PARN: variants seen among roughly 807,000 people sequenced by gnomAD.
PARN encodes the protein poly(A)-specific ribonuclease PARN.
A neutral mutation model predicts 102.8 loss-of-function variants in PARN; 71 were observed. The observed-to-expected ratio is 0.69, with a 90% CI of 0.57 to 0.84. The LOEUF is 0.84. PARN is among the 40% of genes least tolerant of loss of function. The pLI is 0.00. For synonymous variants in PARN, 261 were observed against 252.9 expected, an observed-to-expected ratio of 1.03 and a Z score of -0.30; for missense variants, 782 against 760.9, an observed-to-expected ratio of 1.03 and a Z score of -0.33.
chr16:14,493,043 T>A (rs1470080303), intron 21 of PARN, among the ~76,000 whole-genome samples: 1 of 152,160 alleles, frequency 6.6e-6, no homozygotes, highest in Non-Finnish European at 1.5e-5. Flanking sequence ...AAAGCCAATA[T>A]AAGACATTCC....
chr16:14,482,952 G>T, intron 21 of PARN, 125 bp from the exon 22 acceptor site: 1 of 652,108 alleles, frequency 1.5e-6, no homozygotes, highest in Non-Finnish European at 2.4e-6. Flanking sequence ...CTGACCCTTG[G>T]CTCTGCCACC....
At chr16:14,610,592 A>T in intron 7 of PARN, 52 bp downstream of exon 7, 2 of 1,123,086 alleles carry the variant, frequency 1.8e-6, no homozygotes, top group Non-Finnish European at 2.7e-6. Context: ...GATGCCTGTC[A>T]TCCCCAATAT....
At chr16:14,464,572 A>G (rs1012446881) in intron 22 of PARN, among the ~76,000 whole-genome samples, 1 of 151,984 alleles carries the variant, frequency 6.6e-6, no homozygotes, top group African/African-American at 2.4e-5. Context: ...ACTGGCCAAC[A>G]TGGCAAAACC....
At chr16:14,587,791 T>G (rs560180601) in intron 13 of PARN, among the ~76,000 whole-genome samples, 2 of 152,378 alleles carry the variant, frequency 1.3e-5, no homozygotes, top group African/African-American at 4.8e-5. Context: ...AGGATAAAAC[T>G]GCTTATCCTA....
At chr16:14,548,119 G>A (rs771939373) in intron 21 of PARN, among the ~76,000 whole-genome samples, 5 of 151,846 alleles carry the variant, frequency 3.3e-5, no homozygotes, top group African/African-American at 7.2e-5. Flanking sequence ...GTGGAGGCAC[G>A]CACCTGTAGT....
chr16:14,592,830 G>A (rs1389129736), intron 13 of PARN, among the ~76,000 whole-genome samples: 1 of 152,174 alleles, frequency 6.6e-6, no homozygotes, highest in Non-Finnish European at 1.5e-5. Context: ...GGCAGTGACT[G>A]AAGATCCCTT....
chr16:14,591,643 C>T lies in PARN; in HGVS notation c.918+1658G>A, dbSNP rs147963807. On this transcript the variant is annotated intron_variant, in intron 13 of 23. Coordinates refer to ENST00000437198, the MANE Select transcript of PARN (RefSeq NM_002582.4). ...TGGCCCTTTATAGAAAACGTGCCAA[C>T]GTTCATTTTAAAGGATGGGCTGAAG... Among the ~76,000 whole-genome samples the T allele has an allele frequency of 4.2e-3, 635 of 152,180 alleles. 2 individuals carry two copies. Among genetic ancestry groups the T allele is most frequent in the Admixed American group, 8.1e-3 (124 of 15,264 alleles).
At chr16:14,581,367 T>TA (rs1360494946) in intron 17 of PARN, among the ~76,000 whole-genome samples, 1 of 152,154 alleles carries the variant, frequency 6.6e-6, no homozygotes, top group Non-Finnish European at 1.5e-5. Flanking sequence ...AAGGTATTCT[T>TA]ACGCACCAAG....
intron 21 of PARN, among the ~76,000 whole-genome samples, chr16:14,497,617 T>C (rs1567323481): frequency 6.6e-6 from 1 of 152,248 alleles, no homozygotes; most frequent in Non-Finnish European, 1.5e-5. Flanking sequence ...ATGTTTCTTC[T>C]ACTTCCCATA....
chr16:14,597,612 G>T (rs1055021651), intron 12 of PARN, among the ~76,000 whole-genome samples: 1 of 152,066 alleles, frequency 6.6e-6, no homozygotes, highest in Non-Finnish European at 1.5e-5. Flanking sequence ...CAGGAGAATG[G>T]CGTGAACCCA....
intron 21 of PARN, among the ~76,000 whole-genome samples, chr16:14,487,892 A>G (rs902998596): frequency 1.2e-4 from 18 of 152,234 alleles, no homozygotes; most frequent in African/African-American, 2.7e-4. Context: ...TTATACATCA[A>G]TTAAACCTCA....
At chr16:14,599,426 G>A (rs920943100) in intron 12 of PARN, among the ~76,000 whole-genome samples, 4 of 152,068 alleles carry the variant, frequency 2.6e-5, no homozygotes, top group Non-Finnish European at 4.4e-5. Flanking sequence ...TTACACAAAT[G>A]GCCAATATCT....
At chr16:14,569,083 G>A (rs1239067469) in intron 18 of PARN, among the ~76,000 whole-genome samples, 1 of 151,432 alleles carries the variant, frequency 6.6e-6, no homozygotes, top group Non-Finnish European at 1.5e-5. Context: ...ATGGTGGCTT[G>A]AGCCTGTAAT....
chr16:14,600,103 C>T (rs921387184), intron 11 of PARN, 143 bp from the exon 12 acceptor site: 5 of 496,206 alleles, frequency 1.0e-5, no homozygotes, highest in Non-Finnish European at 1.4e-5. Flanking sequence ...CCTATCTTCC[C>T]AAACATTTGC....
At chr16:14,520,690 AC>A (rs1255787545) in intron 21 of PARN, among the ~76,000 whole-genome samples, 1 of 148,550 alleles carries the variant, frequency 6.7e-6, no homozygotes, top group Non-Finnish European at 1.5e-5. Context: ...TGGGAGTGAA[AC>A]CCTGTCTCAA....
intron 21 of PARN, among the ~76,000 whole-genome samples, chr16:14,529,744 G>A (rs544859730): frequency 1.6e-4 from 24 of 152,168 alleles, no homozygotes; most frequent in Non-Finnish European, 2.8e-4. Flanking sequence ...TGGTTCTAAC[G>A]AGGACTATCA....
intron 21 of PARN, among the ~76,000 whole-genome samples, chr16:14,520,643 G>A (rs868838456): frequency 5.3e-5 from 8 of 151,854 alleles, no homozygotes; most frequent in African/African-American, 2.4e-5. Flanking sequence ...AGGTTGCAGC[G>A]AGTGGAGATC....
At chr16:14,501,294 CAATAAT>C (rs113060340) in intron 21 of PARN, among the ~76,000 whole-genome samples, 24,788 of 142,016 alleles carry the variant, frequency 0.17, 2,436 homozygotes, top group Middle Eastern at 0.26. Context: ...AACAAAAAAA[CAATAAT>C]AATAATAATA....
At chr16:14,615,160 C>A (rs550469857) in intron 6 of PARN, among the ~76,000 whole-genome samples, 1 of 152,210 alleles carries the variant, frequency 6.6e-6, no homozygotes, top group Non-Finnish European at 1.5e-5. Context: ...AGATTTAGAG[C>A]ATATCAACAA....
Sources: allele counts gnomAD v4.1 joint callset (sites outside exome capture counted in the v4.1 genomes callset), GRCh38; gene constraint gnomAD v4.1.1; transcripts MANE v1.5; gene names NCBI Gene and HGNC (gene_info 2026-07-23, HGNC 2026-07-21).